Variants in PPP1R2 observed in about 807,000 individuals in gnomAD.
PPP1R2 encodes the protein protein phosphatase 1 regulatory inhibitor subunit 2, also known as protein phosphatase inhibitor 2.
A neutral mutation model predicts 29.9 loss-of-function variants in PPP1R2; 16 were observed. The ratio of observed to expected loss-of-function variants is 0.53; its 90% CI spans 0.36 to 0.81. The LOEUF (loss-of-function observed/expected upper bound fraction) is 0.81, where lower values mean the gene tolerates loss of function less well. Ranked by LOEUF, PPP1R2 falls within the 30% of genes least tolerant of loss-of-function variation. PPP1R2 has a pLI of 0.00. For missense variants in PPP1R2, 197 were observed against 252.7 expected (o/e 0.78, Z 1.49); for synonymous variants, 76 against 91.5 (o/e 0.83, Z 0.96).
chr3:195,538,880 T>G (rs965404080), intron 1 of PPP1R2, among the ~76,000 whole-genome samples: 1 of 152,230 alleles, frequency 6.6e-6, no homozygotes, highest in African/African-American at 2.4e-5. Context: ...TAATGAATAA[T>G]TCACTGAAAA....
At chr3:195,524,373 T>A (rs1427133280) in intron 3 of PPP1R2, among the ~76,000 whole-genome samples, 2 of 152,082 alleles carry the variant, frequency 1.3e-5, no homozygotes, top group African/African-American at 2.4e-5. Context: ...AATACAAAAA[T>A]TAGCCAGGCT....
chr3:195,527,952 A>AT (rs747004590), intron 2 of PPP1R2: 221 of 304,444 alleles, frequency 7.3e-4, no homozygotes, highest in South Asian at 1.5e-3. Flanking sequence ...TAGCATGCGT[A>AT]TTTTTTTTTA....
At chr3:195,541,455 CTTTTTTTTTT>C (rs553981950) in intron 1 of PPP1R2, among the ~76,000 whole-genome samples, 2 of 99,316 alleles carry the variant, frequency 2.0e-5, no homozygotes, top group African/African-American at 3.9e-5. Flanking sequence ...CTTTTCTTTC[CTTTTTTTTTT>C]TTTTTTTTTT....
chr3:195,517,490 T>C (rs1359745372), intron 5 of PPP1R2, among the ~76,000 whole-genome samples: 4 of 152,298 alleles, frequency 2.6e-5, no homozygotes, highest in South Asian at 4.1e-4. Flanking sequence ...GGTTTTATAA[T>C]GCTAAGCAGG....
intron 2 of PPP1R2, 59 bp from the exon 3 acceptor site, chr3:195,524,955 C>T: frequency 6.9e-7 from 1 of 1,455,254 alleles, no homozygotes; most frequent in Admixed American, 1.7e-5. Flanking sequence ...GCCACAAAAA[C>T]AAGGGAGAAA....
chr3:195,519,340 A>G, intron 4 of PPP1R2, 155 bp from the exon 5 acceptor site: 1 of 586,118 alleles, frequency 1.7e-6, no homozygotes, highest in Non-Finnish European at 2.9e-6. Flanking sequence ...AGTAGTTCGT[A>G]ATAGAGACCA....
chr3:195,543,236 C>A lies in PPP1R2; in HGVS notation c.-211G>T. ...CAACGCCGAACGGGTGGCGGCTACT[C>A]GCGCACCCTTAGCCACTGGCACTTG... is the stretch of plus-strand genomic sequence containing the variant. On this transcript the variant is annotated 5_prime_UTR_variant, in exon 1 of 6. Transcript: ENST00000618156. 1 of 606,198 alleles carries A rather than the reference C, an allele frequency of 1.6e-6. No homozygotes were observed. The highest frequency in any genetic ancestry group is 2.3e-5 in the South Asian group (1 of 43,730). 37.6% of individuals were successfully genotyped at this position (606,198 alleles called of 1,614,324 possible). A position where few individuals can be genotyped will look rare whatever the true frequency, so the allele number is the denominator to read the frequency against.
At chr3:195,537,409 AT>A (rs908018083) in intron 1 of PPP1R2, among the ~76,000 whole-genome samples, 2 of 150,966 alleles carry the variant, frequency 1.3e-5, no homozygotes, top group Non-Finnish European at 2.9e-5. Context: ...TGCCATACAG[AT>A]TTTTTTTTAA....
chr3:195,538,214 G>A lies in PPP1R2; in HGVS notation c.122+4690C>T, dbSNP rs148530235. 2.4e-4 allele frequency among the ~76,000 whole-genome samples: 37 copies of A among 152,314 alleles called. No homozygotes were observed. The East Asian group carries it at 6.4e-3, about 26-fold the overall frequency. ...TAAATCTGGTGCTGAAAACGTCACC[G>A]CTTCTCACTTTTACTTTGTTAGCTC... On this transcript the variant is annotated intron_variant, in intron 1 of 5. Transcript: ENST00000618156.
At chr3:195,523,909 T>A in intron 3 of PPP1R2, 123 bp from the exon 4 acceptor site, 1 of 834,970 alleles carries the variant, frequency 1.2e-6, no homozygotes, top group South Asian at 1.5e-5. Context: ...TATAACCTGA[T>A]GAGGAAAATA....
rs568144926 is a variant in PPP1R2, at chr3:195,540,637, C to T, written c.122+2267G>A. ...TCTGATGAATGGATTAATCTATTCA[C>T]GGATTAATGGGTTATCAAGTGAGTG... On this transcript the variant is annotated intron_variant, in intron 1 of 5. Coordinates refer to ENST00000618156, the MANE Select transcript of PPP1R2 (RefSeq NM_006241.8). Among the ~76,000 whole-genome samples the T allele has an allele frequency of 4.3e-4, 66 of 152,206 alleles. No individual in the cohort carries two copies. The South Asian group carries it at 0.012, about 29-fold the overall frequency.
chr3:195,534,476 G>A (rs1226470395), intron 1 of PPP1R2, among the ~76,000 whole-genome samples: 2 of 152,202 alleles, frequency 1.3e-5, no homozygotes, highest in Non-Finnish European at 2.9e-5. Flanking sequence ...TTTAAGGCAG[G>A]AAGGGACAGG....
At chr3:195,534,211 C>T (rs1047456531) in intron 1 of PPP1R2, among the ~76,000 whole-genome samples, 3 of 152,114 alleles carry the variant, frequency 2.0e-5, no homozygotes, top group Non-Finnish European at 4.4e-5. Context: ...GTCCCAGCTA[C>T]TTGGGGGTGG....
At chr3:195,532,080 G>A (rs1719200629) in intron 1 of PPP1R2, among the ~76,000 whole-genome samples, 1 of 152,006 alleles carries the variant, frequency 6.6e-6, no homozygotes, top group African/African-American at 2.4e-5. Context: ...CCCCAGGCTA[G>A]AGTAAAGTGG....
At chr3:195,530,822 C>A (rs1379768639) in intron 1 of PPP1R2, among the ~76,000 whole-genome samples, 2 of 150,184 alleles carry the variant, frequency 1.3e-5, no homozygotes, top group Non-Finnish European at 3.0e-5. Flanking sequence ...CCAGGCCGGG[C>A]CATTATTTTT....
In PPP1R2 at chr3:195,515,588, A is replaced by C. The variant is rs1263850662; in HGVS notation, c.*1308T>G. The C allele has an allele frequency of 6.6e-6, 1 of 152,414 alleles. No homozygotes were observed. Among genetic ancestry groups the C allele is most frequent in the Non-Finnish European group, 1.5e-5 (1 of 67,996 alleles). The allele number at this position is 152,414 out of a possible 1,614,324, so 9.4% of individuals were successfully genotyped here. On this transcript the variant is annotated 3_prime_UTR_variant, in exon 6 of 6. Coordinates refer to ENST00000618156, the MANE Select transcript of PPP1R2 (RefSeq NM_006241.8). The stretch of plus-strand genomic sequence containing the variant: ...TGGTTGAAGGAAAAAATTCCACCTA[A>C]TTCTTACTGCGTTAGAAGAATAAAG...
chr3:195,523,050 G>A (rs920853102), intron 4 of PPP1R2: 1 of 152,390 alleles, frequency 6.6e-6, no homozygotes, highest in African/African-American at 2.4e-5. Flanking sequence ...AATGCAACAA[G>A]ATAAGACATA....
chr3:195,540,916 A>G (rs913288751), intron 1 of PPP1R2, among the ~76,000 whole-genome samples: 11 of 152,254 alleles, frequency 7.2e-5, no homozygotes, highest in African/African-American at 2.4e-4. Context: ...ATATTGTATT[A>G]CTAGTAGAAT....
At chr3:195,524,795 T>C (rs1406005220) in intron 3 of PPP1R2, 24 bp downstream of exon 3, 2 of 1,611,478 alleles carry the variant, frequency 1.2e-6, no homozygotes, top group South Asian at 1.1e-5. Context: ...TAAGTGAAAA[T>C]GTGCTCCGGT....
Sources: gnomAD v4.1 joint callset for allele counts (sites outside exome capture counted in the v4.1 genomes callset) on GRCh38, gnomAD v4.1.1 for gene constraint, MANE v1.5 for transcripts, NCBI Gene and HGNC (gene_info 2026-07-23, HGNC 2026-07-21) for gene names.